Variants in EXOC3 observed in about 807,000 individuals in gnomAD.
EXOC3 encodes the protein SEC6-like 1.
A neutral mutation model predicts 73.7 loss-of-function variants in EXOC3; 21 were observed. The ratio of observed to expected loss-of-function variants is 0.29; its 90% CI spans 0.20 to 0.41. The LOEUF is 0.41. Among genes scored for constraint, EXOC3 ranks in the 10% least tolerant of loss-of-function variants. EXOC3 has a pLI of 1.00. For synonymous variants in EXOC3, 410 were observed against 389.1 expected, an observed-to-expected ratio of 1.05 and a Z score of -0.63; for missense variants, 842 against 985.1, an observed-to-expected ratio of 0.85 and a Z score of 1.95.
chr5:450,064 G>A (rs1211651025), intron 3 of EXOC3, among the ~76,000 whole-genome samples: 1 of 152,206 alleles, frequency 6.6e-6, no homozygotes, highest in Non-Finnish European at 1.5e-5. Flanking sequence ...CGGCCAACAT[G>A]GTGAAACCCC....
Position 462,102 on chromosome 5 carries a change from C to T in EXOC3, c.1502+32C>T, listed in dbSNP as rs367875026. The T allele has an allele frequency of 7.7e-5, 122 of 1,590,806 alleles. 1 individual carries two copies. The East Asian group carries it at 1.1e-3, about 14-fold the overall frequency. On this transcript the variant is annotated intron_variant, in intron 8 of 12. Coordinates refer to ENST00000512944, the MANE Select transcript of EXOC3 (RefSeq NM_007277.5). Reference sequence around the variant, plus strand: ...GTGGCCGGGCGCTGTGGCGGGGGAGCGGTGGAGGCCGGCCTGCCCAGCCGC... The same window carrying T: ...GTGGCCGGGCGCTGTGGCGGGGGAGTGGTGGAGGCCGGCCTGCCCAGCCGC...
intron 9 of EXOC3, 121 bp from the exon 10 acceptor site, chr5:464,169 C>G (rs962252793): frequency 3.1e-6 from 3 of 965,506 alleles, no homozygotes; most frequent in African/African-American, 3.3e-5. Context: ...AAGTGCCTCC[C>G]TCCCACACTG....
intron 1 of EXOC3, among the ~76,000 whole-genome samples, chr5:445,682 T>C (rs1019891266): frequency 2.6e-5 from 4 of 152,156 alleles, no homozygotes; most frequent in African/African-American, 9.7e-5. Flanking sequence ...AGGGTGGGAA[T>C]TGTGGGGCTT....
chr5:466,778 C>G lies in EXOC3; in HGVS notation c.2118C>G (p.Asp706Glu), dbSNP rs374390463. Residue 706 changes from aspartate to glutamate, a missense_variant, in exon 13 of 13, where the codon GAC (aspartate) becomes GAG (glutamate). Asp to Glu is a conservative substitution (Grantham distance 45, BLOSUM62 2). Transcript: ENST00000512944. Reference sequence around the variant, plus strand: ...CTGTGCGTGGGGACGCCAGCCGTGACATGAAGCAGACCATCATGGAGACCC... The same window carrying G: ...CTGTGCGTGGGGACGCCAGCCGTGAGATGAAGCAGACCATCATGGAGACCC... ...LLAVRGDASR[D>E]MKQTIMETLE... is the part of the protein sequence containing the mutation. The G allele has an allele frequency of 1.5e-5, 25 of 1,613,382 alleles. No homozygotes were observed. The African/African-American group carries it at 2.9e-4, about 19-fold the overall frequency.
intron 2 of EXOC3, 108 bp from the exon 3 acceptor site, chr5:447,425 A>T: frequency 2.9e-6 from 2 of 683,090 alleles, no homozygotes; most frequent in South Asian, 2.0e-5. Context: ...GTTTCCTGCT[A>T]CTCAGTGGCT....
intron 9 of EXOC3, among the ~76,000 whole-genome samples, chr5:463,053 A>G (rs1738036212): frequency 6.6e-6 from 1 of 152,170 alleles, no homozygotes; most frequent in African/African-American, 2.4e-5. Flanking sequence ...TGCAGTGAGC[A>G]GAGATCGCGC....
chr5:455,884 G>A (rs769546106), intron 4 of EXOC3, among the ~76,000 whole-genome samples: 2 of 152,248 alleles, frequency 1.3e-5, no homozygotes, highest in Non-Finnish European at 2.9e-5. Flanking sequence ...GATTACAGGC[G>A]TGAGCCACCA....
chr5:465,865 G>A lies in EXOC3; in HGVS notation c.2066+20G>A, dbSNP rs759703442. Reference sequence around the variant, plus strand: ...CATCAGGTAAGGGATGCACGTCTTAGAATCCTGCCTTAGAATCCTGGAGTG... The same window carrying A: ...CATCAGGTAAGGGATGCACGTCTTAAAATCCTGCCTTAGAATCCTGGAGTG... On this transcript the variant is annotated intron_variant, in intron 12 of 12. Transcript: ENST00000512944. The A allele has an allele frequency of 1.2e-6, 2 of 1,600,076 alleles. No individual in the cohort carries two copies. Among genetic ancestry groups the A allele is most frequent in the African/African-American group, 2.7e-5 (2 of 74,874 alleles).
At chr5:465,358 T>TG (rs1738112181) in intron 11 of EXOC3, 86 bp downstream of exon 11, 2 of 1,418,730 alleles carry the variant, frequency 1.4e-6, no homozygotes, top group Admixed American at 2.2e-5. Flanking sequence ...GGCCAGTAGA[T>TG]GGGAGTGTGT....
intron 3 of EXOC3, among the ~76,000 whole-genome samples, chr5:448,795 T>G (rs932314791): frequency 1.3e-5 from 2 of 152,208 alleles, no homozygotes. Context: ...CCGAGCACCT[T>G]GTCCCGTTGC....
chr5:448,109 T>A (rs1184352125), intron 3 of EXOC3, among the ~76,000 whole-genome samples: 1 of 152,164 alleles, frequency 6.6e-6, no homozygotes, highest in Non-Finnish European at 1.5e-5. Context: ...TAAAAGGAGC[T>A]GCAGGAGAAG....
intron 3 of EXOC3, among the ~76,000 whole-genome samples, chr5:449,687 G>A (rs1006606851): frequency 2.6e-5 from 4 of 152,292 alleles, no homozygotes; most frequent in East Asian, 1.9e-4. Context: ...TTGCTTATCC[G>A]TTTGTCTGTT....
chr5:466,189 GTGCTCA>G (rs1004981884), intron 12 of EXOC3: 2 of 318,294 alleles, frequency 6.3e-6, no homozygotes, highest in Admixed American at 4.7e-5. Context: ...AGTTTCCTCT[GTGCTCA>G]TGGTGGACTC....
intron 1 of EXOC3, 65 bp from the exon 2 acceptor site, chr5:446,085 G>A: frequency 9.0e-7 from 1 of 1,117,180 alleles, no homozygotes; most frequent in East Asian, 2.4e-5. Context: ...GCTCCACTGT[G>A]ATCACCTGAT....
In EXOC3 at chr5:462,257, G is replaced by T. The variant is rs760860067; in HGVS notation, c.1603G>T (p.Ala535Ser). The change falls in exon 9 of 13, where the codon GCG becomes TCG. Residue 535 changes from alanine (A) to serine (S), a missense_variant. By Grantham distance (99) the Ala-to-Ser change is moderately conservative (BLOSUM62 1). Coordinates refer to ENST00000512944, the MANE Select transcript of EXOC3 (RefSeq NM_007277.5). Reference sequence around the variant, plus strand: ...CATGGACGGGATTTTAGACGCCATCGCGAAGGAGGGCTGCAGCGGTTTGCT... The same window carrying T: ...CATGGACGGGATTTTAGACGCCATCTCGAAGGAGGGCTGCAGCGGTTTGCT... ...PSMDGILDAI[A>S]KEGCSGLLEE... 2.5e-6 allele frequency: 4 copies of T among 1,613,864 alleles called. No individual in the cohort carries two copies. Among genetic ancestry groups the T allele is most frequent in the Middle Eastern group, 1.6e-4 (1 of 6,084 alleles).
At chr5:457,379 G>C (rs1398527324) in intron 5 of EXOC3, 1 of 281,336 alleles carries the variant, frequency 3.6e-6, no homozygotes, top group African/African-American at 2.2e-5. Context: ...GCAGCCTGGT[G>C]ACCACCAGGT....
intron 11 of EXOC3, 114 bp downstream of exon 11, chr5:465,386 G>C (rs796342609): frequency 7.4e-6 from 9 of 1,218,494 alleles, no homozygotes; most frequent in African/African-American, 4.5e-5. Flanking sequence ...TTGTCAGGCG[G>C]GGGGAGCCTG....
rs1374924087 is a variant in EXOC3 at position 453,764 on chromosome 5, G to A, written c.759G>A (p.Glu253=). Residue 253 remains glutamate, a synonymous_variant, in exon 4 of 13, where the codon GAG becomes GAA. Transcript: ENST00000512944. The part of the protein sequence containing the change: ...NWKEKMFTIL[E]RTVTTRIEGT... The stretch of plus-strand genomic sequence containing the variant: ...AGGAGAAAATGTTCACCATCTTGGA[G>A]AGGACTGTGACCACCAGAATTGAGG... 1 of 1,613,982 alleles carries A rather than the reference G, an allele frequency of 6.2e-7. No homozygotes were observed. Among genetic ancestry groups the A allele is most frequent in the Admixed American group, 1.7e-5 (1 of 60,016 alleles).
rs368937390 is a variant in EXOC3 at position 465,789 on chromosome 5, C to T, written c.2010C>T (p.Asp670=). The T allele has an allele frequency of 1.1e-4, 170 of 1,613,490 alleles. No individual in the cohort carries two copies. Among genetic ancestry groups the T allele is most frequent in the Middle Eastern group, 1.6e-4 (1 of 6,084 alleles). Residue 670 remains aspartate (D), a synonymous_variant, in exon 12 of 13, where the codon GAC becomes GAT. Coordinates refer to ENST00000512944, the MANE Select transcript of EXOC3 (RefSeq NM_007277.5). ...VAVAEVIKLT[D]PSLLYLEVST... Reference sequence around the variant, plus strand: ...TGGCCGAAGTGATCAAGCTGACAGACCCTTCTCTGCTCTACCTGGAGGTCT... The same window carrying T: ...TGGCCGAAGTGATCAAGCTGACAGATCCTTCTCTGCTCTACCTGGAGGTCT...
Sources: gnomAD v4.1 joint callset for allele counts (sites outside exome capture counted in the v4.1 genomes callset) on GRCh38, gnomAD v4.1.1 for gene constraint, MANE v1.5 for transcripts, NCBI Gene and HGNC (gene_info 2026-07-23, HGNC 2026-07-21) for gene names.